The following ANTXR2 variants were observed in gnomAD, a reference collection of about 807,000 sequenced individuals.
ANTXR2 encodes the protein anthrax toxin receptor 2.
In ANTXR2, 44 loss-of-function variants were observed where a neutral mutation model predicts 73.7. That is an observed-to-expected ratio of 0.60 (90% CI 0.47 to 0.77). The LOEUF (loss-of-function observed/expected upper bound fraction) is 0.77. Among genes scored for constraint, ANTXR2 ranks in the 30% least tolerant of loss-of-function variants. ANTXR2 has a pLI of 0.00. For missense variants in ANTXR2, 604 were observed against 592.5 expected (o/e 1.02, Z -0.20); for synonymous variants, 217 against 205.9 (o/e 1.05, Z -0.46).
At chr4:80,051,891 T>A (rs1380661574) in intron 7 of ANTXR2, among the ~76,000 whole-genome samples, 1 of 151,668 alleles carries the variant, frequency 6.6e-6, no homozygotes, top group Non-Finnish European at 1.5e-5. Context: ...TATGATATCT[T>A]ACATTAAGGG....
intron 10 of ANTXR2, among the ~76,000 whole-genome samples, chr4:80,022,312 T>C (rs537558401): frequency 6.6e-5 from 10 of 152,340 alleles, no homozygotes; most frequent in East Asian, 1.9e-4. Context: ...TATAGATATA[T>C]GTATTCTGTG....
chr4:79,903,886 A>C lies in ANTXR2; in HGVS notation c.*3543T>G, dbSNP rs1411661955. ...CATATACCCACCAAACTTTTCCAGT[A>C]GTAATGAAACTCTCAAAAACTTTCT... is the stretch of plus-strand genomic sequence containing the variant. On this transcript the variant is annotated 3_prime_UTR_variant, in exon 17 of 17. Coordinates refer to ENST00000403729, the MANE Select transcript of ANTXR2 (RefSeq NM_058172.6). 1 of 152,198 alleles carries C rather than the reference A, an allele frequency of 6.6e-6. No individual in the cohort carries two copies. The highest frequency in any genetic ancestry group is 2.4e-5 in the African/African-American group (1 of 41,472). The allele number at this position is 152,198 out of a possible 1,614,324, so 9.4% of individuals were successfully genotyped here. A position where few individuals can be genotyped will look rare whatever the true frequency, so the allele number is the denominator to read the frequency against.
At chr4:79,926,740 C>T (rs1435517110) in intron 16 of ANTXR2, among the ~76,000 whole-genome samples, 3 of 151,990 alleles carry the variant, frequency 2.0e-5, no homozygotes. Flanking sequence ...AATGCCTGAG[C>T]TGGGAATGTA....
At chr4:79,991,344 A>C (rs1296669432) in intron 12 of ANTXR2, among the ~76,000 whole-genome samples, 1 of 152,124 alleles carries the variant, frequency 6.6e-6, no homozygotes, top group Non-Finnish European at 1.5e-5. Flanking sequence ...CAAGCTTATA[A>C]AAAAATGCTC....
In ANTXR2 at chr4:79,934,856, A is replaced by T. The variant is rs181934708; in HGVS notation, c.1429-27389T>A. Reference sequence around the variant, plus strand: ...GTCAAGTTTCAAAAAAAAAAAAAAAACTGTCTACTCAGCAGTTCTTTCATG... The same window carrying T: ...GTCAAGTTTCAAAAAAAAAAAAAAATCTGTCTACTCAGCAGTTCTTTCATG... On this transcript the variant is annotated intron_variant, in intron 16 of 16. Transcript: ENST00000403729. 1.5e-3 allele frequency among the ~76,000 whole-genome samples: 221 copies of T among 151,146 alleles called. 7 individuals carry two copies. In the East Asian group the frequency reaches 0.038, roughly 26 times the overall value.
chr4:79,934,185 GC>G (rs940077079), intron 16 of ANTXR2, among the ~76,000 whole-genome samples: 1 of 152,126 alleles, frequency 6.6e-6, no homozygotes, highest in African/African-American at 2.4e-5. Flanking sequence ...GACCATCAAT[GC>G]TTTTGAATAG....
intron 16 of ANTXR2, among the ~76,000 whole-genome samples, chr4:79,910,533 A>AAAAAAAAAAGAAAAAAAAG (rs1560842181): frequency 2.3e-5 from 1 of 44,130 alleles, no homozygotes; most frequent in East Asian, 2.7e-3. Flanking sequence ...GAAAAAAAAG[A>AAAAAAAAAAGAAAAAAAAG]AAAAAAAAAA....
At chr4:80,018,655 T>G (rs751539793) in intron 11 of ANTXR2, among the ~76,000 whole-genome samples, 22 of 152,168 alleles carry the variant, frequency 1.4e-4, no homozygotes, top group Non-Finnish European at 2.4e-4. Context: ...AATATGCCTT[T>G]TAAATTCTAT....
chr4:80,016,502 A>G (rs1438685190), intron 11 of ANTXR2, among the ~76,000 whole-genome samples: 2 of 152,118 alleles, frequency 1.3e-5, no homozygotes, highest in Non-Finnish European at 2.9e-5. Flanking sequence ...TTCCCAGTAA[A>G]TATTATGTGA....
Position 80,071,568 on chromosome 4 carries a change from A to T in ANTXR2, c.224+15T>A. The T allele has an allele frequency of 6.2e-7, 1 of 1,600,866 alleles. No individual in the cohort carries two copies. The highest frequency in any genetic ancestry group is 8.6e-7 in the Non-Finnish European group (1 of 1,168,042). ...TACTTCTCCACTGCCTAGAAAAGTA[A>T]AGTAAGAAAGATACCTCACAAATCT... On this transcript the variant is annotated intron_variant, in intron 2 of 16. Coordinates refer to ENST00000403729, the MANE Select transcript of ANTXR2 (RefSeq NM_058172.6).
rs1728780643 is a variant in ANTXR2, at chr4:79,953,441, AC to A, written c.1428+24179del. ...TCTAAAATGATGAAAGATTCTGAAAACTAGATTTTAAGAGGGAATTATAAAT... is the reference window on the plus strand; with the variant it reads ...TCTAAAATGATGAAAGATTCTGAAAATAGATTTTAAGAGGGAATTATAAAT... On this transcript the variant is annotated intron_variant, in intron 16 of 16. Coordinates refer to ENST00000403729, the MANE Select transcript of ANTXR2 (RefSeq NM_058172.6). Among the ~76,000 whole-genome samples, 5 of 152,252 alleles carry A rather than the reference AC, an allele frequency of 3.3e-5. No individual in the cohort carries two copies. The South Asian group carries it at 1.0e-3, about 32-fold the overall frequency.
chr4:80,009,209 T>C (rs1427505964), intron 11 of ANTXR2, among the ~76,000 whole-genome samples: 2 of 152,158 alleles, frequency 1.3e-5, no homozygotes, highest in African/African-American at 4.8e-5. Flanking sequence ...ACAGTGGTGT[T>C]CTTTCCCTTC....
At chr4:80,003,431 A>C (rs2110048810) in intron 12 of ANTXR2, among the ~76,000 whole-genome samples, 1 of 146,956 alleles carries the variant, frequency 6.8e-6, no homozygotes, top group African/African-American at 2.5e-5. Flanking sequence ...GGAGGGGGGA[A>C]GGATAGCTTT....
chr4:80,031,386 T>A (rs1050872674), intron 10 of ANTXR2, among the ~76,000 whole-genome samples: 6 of 151,934 alleles, frequency 3.9e-5, no homozygotes, highest in African/African-American at 1.4e-4. Flanking sequence ...ATAGAGCCTT[T>A]TAATCAGTAT....
intron 11 of ANTXR2, among the ~76,000 whole-genome samples, chr4:80,010,322 T>C (rs958650588): frequency 6.6e-6 from 1 of 152,200 alleles, no homozygotes; most frequent in African/African-American, 2.4e-5. Flanking sequence ...AAAACTGTGG[T>C]ACCCTATGGG....
chr4:79,955,007 A>C (rs1728838225), intron 16 of ANTXR2, among the ~76,000 whole-genome samples: 1 of 152,212 alleles, frequency 6.6e-6, no homozygotes, highest in Non-Finnish European at 1.5e-5. Context: ...TGACAAGAAC[A>C]CATTAGTACT....
chr4:79,996,322 G>GACGGATGGATAT (rs1730725444), intron 12 of ANTXR2, among the ~76,000 whole-genome samples: 1 of 149,696 alleles, frequency 6.7e-6, no homozygotes, highest in East Asian at 2.0e-4. Context: ...TGGATATATG[G>GACGGATGGATAT]ATGGATGGAT....
chr4:80,035,304 A>C (rs1461047681), intron 8 of ANTXR2, among the ~76,000 whole-genome samples: 1 of 152,146 alleles, frequency 6.6e-6, no homozygotes, highest in East Asian at 1.9e-4. Context: ...GCAGAATGTG[A>C]GACCATGCAC....
intron 16 of ANTXR2, among the ~76,000 whole-genome samples, chr4:79,948,365 T>G (rs1728587091): frequency 1.3e-5 from 2 of 152,146 alleles, no homozygotes; most frequent in African/African-American, 2.4e-5. Flanking sequence ...TCTGAACTTT[T>G]GAAAATAAAG....
Sources: allele counts gnomAD v4.1 joint callset (sites outside exome capture counted in the v4.1 genomes callset), GRCh38; gene constraint gnomAD v4.1.1; transcripts MANE v1.5; gene names NCBI Gene and HGNC (gene_info 2026-07-23, HGNC 2026-07-21).